The following KLF12 variants were observed in gnomAD, a reference collection of about 807,000 sequenced individuals.
The protein encoded by KLF12 is KLF transcription factor 12.
Under a neutral mutation model 37.8 loss-of-function variants are expected in KLF12, and 9 were observed. The ratio of observed to expected loss-of-function variants is 0.24; its 90% CI spans 0.14 to 0.42. The LOEUF (loss-of-function observed/expected upper bound fraction) is 0.42, where lower values mean the gene tolerates loss of function less well. Among genes scored for constraint, KLF12 ranks in the 10% least tolerant of loss-of-function variants. KLF12 has a pLI of 1.00. For synonymous variants in KLF12, 208 were observed against 202.1 expected (o/e 1.03, Z -0.25); for missense variants, 411 against 516.0 (o/e 0.80, Z 1.97).
At chr13:74,270,441 T>G in the KLF12 span, among the ~76,000 whole-genome samples, 8 of 152,192 alleles carry the variant, frequency 5.3e-5, no homozygotes, top group Non-Finnish European at 1.2e-4. Context: ...GAAACCTCAA[T>G]AAAAGTTGTG....
chr13:73,990,256 A>C (rs1054071270), intron 2 of KLF12, among the ~76,000 whole-genome samples: 13 of 152,194 alleles, frequency 8.5e-5, no homozygotes, highest in African/African-American at 2.7e-4. Flanking sequence ...TGTCATAAAA[A>C]CAGACTCTAC....
intron 3 of KLF12, among the ~76,000 whole-genome samples, chr13:73,919,959 C>T (rs988046862): frequency 2.6e-5 from 4 of 152,076 alleles, no homozygotes; most frequent in Admixed American, 6.6e-5. Context: ...AAAGGAAGTC[C>T]GGCCAGCAGC....
intron 1 of KLF12, among the ~76,000 whole-genome samples, chr13:74,027,018 G>A (rs1277820681): frequency 2.0e-5 from 3 of 152,234 alleles, no homozygotes; most frequent in Admixed American, 6.5e-5. Context: ...AAGCTGCAGG[G>A]CTGGAGCAAC....
chr13:73,997,345 C>G (rs566764582), intron 1 of KLF12, among the ~76,000 whole-genome samples: 1 of 150,578 alleles, frequency 6.6e-6, no homozygotes, highest in Non-Finnish European at 1.5e-5. Context: ...AATAATAATA[C>G]CTGCTTTATA....
the KLF12 span, among the ~76,000 whole-genome samples, chr13:74,242,280 G>A: frequency 6.6e-6 from 1 of 152,182 alleles, no homozygotes; most frequent in Non-Finnish European, 1.5e-5. Flanking sequence ...AGACATATCT[G>A]TGACCTATTA....
At chr13:73,814,608 G>T (rs1346089817) in intron 4 of KLF12, among the ~76,000 whole-genome samples, 1 of 152,062 alleles carries the variant, frequency 6.6e-6, no homozygotes, top group Non-Finnish European at 1.5e-5. Flanking sequence ...ACCAAAACGT[G>T]CTTTGCACAA....
the KLF12 span, among the ~76,000 whole-genome samples, chr13:74,190,488 C>T: frequency 6.6e-6 from 1 of 152,138 alleles, no homozygotes; most frequent in Non-Finnish European, 1.5e-5. Context: ...AAGGCTTTGC[C>T]AAGAATGGGA....
At chr13:74,075,308 T>C (rs1874499617) in intron 1 of KLF12, among the ~76,000 whole-genome samples, 1 of 152,162 alleles carries the variant, frequency 6.6e-6, no homozygotes, top group African/African-American at 2.4e-5. Flanking sequence ...ATCAGACAGA[T>C]AAAAGGTAAG....
chr13:73,927,075 A>T (rs1889425487), intron 3 of KLF12, among the ~76,000 whole-genome samples: 1 of 152,232 alleles, frequency 6.6e-6, no homozygotes, highest in Non-Finnish European at 1.5e-5. Context: ...TACCACTTAA[A>T]ATATAACACA....
At chr13:73,831,314 T>C (rs1214379870) in intron 4 of KLF12, among the ~76,000 whole-genome samples, 2 of 152,298 alleles carry the variant, frequency 1.3e-5, no homozygotes, top group East Asian at 1.9e-4. Flanking sequence ...GTCTTAGTTT[T>C]CTCATTGCAA....
intron 1 of KLF12, among the ~76,000 whole-genome samples, chr13:74,011,994 C>T (rs1183776540): frequency 3.3e-5 from 5 of 152,094 alleles, no homozygotes; most frequent in African/African-American, 1.2e-4. Context: ...GTATGACACA[C>T]TGGGAATTTT....
At chr13:73,967,350 A>G (rs1891197768) in intron 2 of KLF12, among the ~76,000 whole-genome samples, 1 of 152,258 alleles carries the variant, frequency 6.6e-6, no homozygotes, top group Non-Finnish European at 1.5e-5. Flanking sequence ...CACGGTCACT[A>G]AACAAATAAC....
the KLF12 span, among the ~76,000 whole-genome samples, chr13:74,218,562 A>T: frequency 6.6e-6 from 1 of 152,128 alleles, no homozygotes; most frequent in Non-Finnish European, 1.5e-5. Context: ...GCAACATCCA[A>T]GCAATGTCTC....
At chr13:73,767,179 G>T (rs778457637) in intron 5 of KLF12, among the ~76,000 whole-genome samples, 2 of 152,098 alleles carry the variant, frequency 1.3e-5, no homozygotes, top group Non-Finnish European at 2.9e-5. Context: ...AAAGGATATG[G>T]CATGTTTTTT....
At chr13:73,730,140 G>A (rs895150245) in intron 6 of KLF12, among the ~76,000 whole-genome samples, 2 of 152,074 alleles carry the variant, frequency 1.3e-5, no homozygotes, top group Non-Finnish European at 2.9e-5. Flanking sequence ...AGGGACTCCT[G>A]GAGCTTCACT....
At chr13:74,060,399 A>G (rs1873500651) in intron 1 of KLF12, among the ~76,000 whole-genome samples, 1 of 151,654 alleles carries the variant, frequency 6.6e-6, no homozygotes, top group Non-Finnish European at 1.5e-5. Flanking sequence ...GTTTGTATCA[A>G]TTAAAATTTC....
intron 1 of KLF12, among the ~76,000 whole-genome samples, chr13:74,038,000 A>T (rs557101261): frequency 6.6e-6 from 1 of 152,298 alleles, no homozygotes; most frequent in African/African-American, 2.4e-5. Flanking sequence ...CATACACAAG[A>T]TCTGTTATCT....
Position 73,978,100 on chromosome 13 carries a change from A to T in KLF12, c.33+16890T>A, listed in dbSNP as rs577890606. Among the ~76,000 whole-genome samples the T allele has an allele frequency of 5.3e-5, 8 of 152,342 alleles. No homozygotes were observed. In the East Asian group the frequency reaches 1.5e-3, roughly 29 times the overall value. ...AGACACAAAACCAAAGACACAATCCATGAAAGACATAACTGATAAGCTGAA... is the reference window on the plus strand; with the variant it reads ...AGACACAAAACCAAAGACACAATCCTTGAAAGACATAACTGATAAGCTGAA... On this transcript the variant is annotated intron_variant, in intron 2 of 7. Coordinates refer to ENST00000377669, the MANE Select transcript of KLF12 (RefSeq NM_007249.5).
chr13:73,921,254 CT>C (rs2139218430), intron 3 of KLF12, among the ~76,000 whole-genome samples: 1 of 152,196 alleles, frequency 6.6e-6, no homozygotes, highest in South Asian at 2.1e-4. Flanking sequence ...CCATAATCAA[CT>C]TGTACACTTT....
Sources: allele counts gnomAD v4.1 joint callset (sites outside exome capture counted in the v4.1 genomes callset), GRCh38; gene constraint gnomAD v4.1.1; transcripts MANE v1.5; gene names NCBI Gene and HGNC (gene_info 2026-07-23, HGNC 2026-07-21).